The following DIAPH2 variants were observed in gnomAD, a reference collection of about 807,000 sequenced individuals.
DIAPH2 encodes the protein diaphanous related formin 2, also known as protein diaphanous homolog 2.
Under a neutral mutation model 92.7 loss-of-function variants are expected in DIAPH2, and 35 were observed. The ratio of observed to expected loss-of-function variants is 0.38; its 90% CI spans 0.29 to 0.50. The LOEUF (loss-of-function observed/expected upper bound fraction) is 0.50. Among genes scored for constraint, DIAPH2 ranks in the 20% least tolerant of loss-of-function variants. The pLI is 0.94. For synonymous variants in DIAPH2, 301 were observed against 280.4 expected (o/e 1.07, Z -0.73); for missense variants, 701 against 819.5 (o/e 0.86, Z 1.77).
intron 4 of DIAPH2, among the ~76,000 whole-genome samples, chrX:96,854,583 A>ACT (rs1264157455): frequency 1.5e-4 from 10 of 66,009 alleles, no homozygotes; most frequent in Non-Finnish European, 2.3e-4. Context: ...AAAAACCAAG[A>ACT]CTCTCTCTCT....
At chrX:97,332,538 T>A (rs1197345896) in intron 23 of DIAPH2, among the ~76,000 whole-genome samples, 1 of 111,936 alleles carries the variant, frequency 8.9e-6, no homozygotes, top group Non-Finnish European at 1.9e-5. Flanking sequence ...AAAAGCATGA[T>A]TGGACACTAT....
At chrX:97,373,325 T>G (rs1044949613) in intron 24 of DIAPH2, among the ~76,000 whole-genome samples, 2 of 110,387 alleles carry the variant, frequency 1.8e-5, no homozygotes, top group Non-Finnish European at 3.8e-5. Context: ...TAAAGAAATA[T>G]GAGGTGCGTA....
At chrX:96,874,287 G>A (rs1429982929) in intron 4 of DIAPH2, among the ~76,000 whole-genome samples, 1 of 111,589 alleles carries the variant, frequency 9.0e-6, no homozygotes, top group Non-Finnish European at 1.9e-5. Context: ...TATCTCAAAG[G>A]CCTCTGTCAA....
chrX:97,326,032 A>G (rs1018468301), intron 23 of DIAPH2, among the ~76,000 whole-genome samples: 2 of 112,633 alleles, frequency 1.8e-5, no homozygotes, highest in Non-Finnish European at 1.9e-5. Flanking sequence ...ATTTAGTAAA[A>G]GGAAAGTTAA....
At chrX:97,435,735 G>A (rs1365943847) in intron 26 of DIAPH2, among the ~76,000 whole-genome samples, 1 of 110,751 alleles carries the variant, frequency 9.0e-6, no homozygotes, top group Non-Finnish European at 1.9e-5. Context: ...TCAAAGATAA[G>A]CTTTGGAGGA....
At chrX:97,238,235 C>G (rs1569337811) in intron 22 of DIAPH2, among the ~76,000 whole-genome samples, 1 of 112,087 alleles carries the variant, frequency 8.9e-6, no homozygotes, top group Admixed American at 9.5e-5. Flanking sequence ...TTAGAAGTCT[C>G]TCTTTATTTT....
At position 97,502,220 on chromosome X, in the gene DIAPH2, A is replaced by T. The variant is rs914659392; in HGVS notation, c.3241+72475A>T. ...AGGGACTAACAGCTAGAATAAAAAT[A>T]ATCAACCTAATATTTCTTGTTGCTG... On this transcript the variant is annotated intron_variant, in intron 26 of 26. Transcript: ENST00000324765. Among the ~76,000 whole-genome samples, 7 of 112,600 alleles carry T rather than the reference A, an allele frequency of 6.2e-5. No homozygotes were observed. The Admixed American group carries it at 6.6e-4, about 11-fold the overall frequency.
chrX:96,949,054 T>C lies in DIAPH2; in HGVS notation c.1614+15T>C. 9.1e-7 allele frequency: 1 copy of C among 1,095,206 alleles called. No individual in the cohort carries two copies. The highest frequency in any genetic ancestry group is 3.1e-5 in the East Asian group (1 of 32,591). 90.3% of individuals were successfully genotyped at this position (1,095,206 alleles called of 1,213,427 possible). A position where few individuals can be genotyped will look rare whatever the true frequency, so the allele number is the denominator to read the frequency against. On this transcript the variant is annotated intron_variant, in intron 15 of 26. Transcript: ENST00000324765. ...TTCGAACCCAGGTAATGAAAGAAGA[T>C]ATAGACTTTGTGTCATGTCACAATG...
intron 17 of DIAPH2, among the ~76,000 whole-genome samples, chrX:96,966,242 A>C (rs1457031094): frequency 8.9e-6 from 1 of 111,923 alleles, no homozygotes; most frequent in Non-Finnish European, 1.9e-5. Flanking sequence ...TACTACTATT[A>C]GGCCTACCTT....
chrX:96,695,345 G>A (rs966660479), intron 1 of DIAPH2, among the ~76,000 whole-genome samples: 2 of 112,411 alleles, frequency 1.8e-5, no homozygotes, highest in Non-Finnish European at 3.8e-5. Context: ...AGATTTTCAC[G>A]TGTTTGTTTT....
chrX:96,738,825 T>C, intron 3 of DIAPH2, 63 bp downstream of exon 3: 1 of 931,247 alleles, frequency 1.1e-6, no homozygotes, highest in Non-Finnish European at 1.5e-6. Context: ...AGCACTGAGT[T>C]TTAAGGAGGT....
chrX:96,839,499 T>C (rs1407832517), intron 4 of DIAPH2, among the ~76,000 whole-genome samples: 1 of 111,743 alleles, frequency 8.9e-6, no homozygotes, highest in Non-Finnish European at 1.9e-5. Flanking sequence ...AGAAAAATGG[T>C]ACATTGTCAT....
intron 17 of DIAPH2, among the ~76,000 whole-genome samples, chrX:97,013,501 TG>T (rs2066241134): frequency 8.9e-6 from 1 of 112,381 alleles, no homozygotes. Flanking sequence ...TAAAGATGGC[TG>T]TACAACAGAC....
chrX:97,526,730 G>C (rs2071026978), intron 26 of DIAPH2, among the ~76,000 whole-genome samples: 1 of 111,459 alleles, frequency 9.0e-6, no homozygotes, highest in Admixed American at 9.5e-5. Flanking sequence ...ATTATCTCTT[G>C]AAACTGTTGT....
chrX:96,950,639 C>G (rs1466980623), intron 15 of DIAPH2, among the ~76,000 whole-genome samples: 3 of 111,749 alleles, frequency 2.7e-5, no homozygotes, highest in African/African-American at 9.8e-5. Context: ...CCTAACTTTT[C>G]TCCCTCCTCA....
At chrX:97,296,802 A>T (rs1189371235) in intron 23 of DIAPH2, among the ~76,000 whole-genome samples, 1 of 75,682 alleles carries the variant, frequency 1.3e-5, no homozygotes, top group Non-Finnish European at 2.5e-5. Flanking sequence ...TTTGAGACGG[A>T]GTTTTGCTCT....
At chrX:96,774,508 A>G (rs961878205) in intron 4 of DIAPH2, among the ~76,000 whole-genome samples, 2 of 111,804 alleles carry the variant, frequency 1.8e-5, no homozygotes, top group African/African-American at 6.5e-5. Flanking sequence ...CTCTGCCGAT[A>G]TGGTCTTTGT....
chrX:96,712,580 A>T (rs1380086234), intron 1 of DIAPH2, among the ~76,000 whole-genome samples: 1 of 111,173 alleles, frequency 9.0e-6, no homozygotes, highest in Non-Finnish European at 1.9e-5. Flanking sequence ...TATTTTAGAT[A>T]TTATCTATTG....
chrX:97,052,794 T>C (rs1049458982), intron 17 of DIAPH2, among the ~76,000 whole-genome samples: 4 of 111,605 alleles, frequency 3.6e-5, no homozygotes, highest in Non-Finnish European at 7.6e-5. Context: ...TCTGTGGGAC[T>C]ATTTTAGGGC....
Sources: gnomAD v4.1 joint callset for allele counts (sites outside exome capture counted in the v4.1 genomes callset) on GRCh38, gnomAD v4.1.1 for gene constraint, MANE v1.5 for transcripts, NCBI Gene and HGNC (gene_info 2026-07-23, HGNC 2026-07-21) for gene names.